Variants in HIPK2 observed in about 807,000 individuals in gnomAD.
The protein encoded by HIPK2 is homeodomain-interacting protein kinase 2.
HIPK2 carries 27 observed loss-of-function variants against 113.7 expected under a neutral mutation model. The observed-to-expected ratio is 0.24, with a 90% CI of 0.17 to 0.33. HIPK2 has a LOEUF of 0.33. HIPK2 is among the 10% of genes least tolerant of loss of function. HIPK2 has a pLI of 1.00. For synonymous variants in HIPK2, 631 were observed against 642.2 expected (o/e 0.98, Z 0.26); for missense variants, 1,257 against 1,588.0 (o/e 0.79, Z 3.54).
At chr7:139,635,990 C>T (rs1800800121) in intron 2 of HIPK2, among the ~76,000 whole-genome samples, 2 of 152,240 alleles carry the variant, frequency 1.3e-5, no homozygotes, top group African/African-American at 2.4e-5. Context: ...AGTCATCTCC[C>T]CCTGTGGTTC....
At chr7:139,584,369 G>A (rs1447165598) in intron 12 of HIPK2, among the ~76,000 whole-genome samples, 3 of 152,210 alleles carry the variant, frequency 2.0e-5, no homozygotes, top group Non-Finnish European at 4.4e-5. Flanking sequence ...GCTCAGCAGA[G>A]CTGCAGGGGA....
intron 2 of HIPK2, among the ~76,000 whole-genome samples, chr7:139,698,241 G>C (rs1794617557): frequency 6.6e-6 from 1 of 152,172 alleles, no homozygotes; most frequent in South Asian, 2.1e-4. Flanking sequence ...CTTTCACTTA[G>C]CATGATGTTT....
chr7:139,639,614 CAGG>C (rs1293171255), intron 2 of HIPK2, among the ~76,000 whole-genome samples: 1 of 152,128 alleles, frequency 6.6e-6, no homozygotes, highest in Non-Finnish European at 1.5e-5. Flanking sequence ...ATGGGCTTCC[CAGG>C]AGGAGTCTGA....
chr7:139,739,662 T>C (rs140657693), intron 1 of HIPK2, among the ~76,000 whole-genome samples: 3 of 152,074 alleles, frequency 2.0e-5, no homozygotes, highest in African/African-American at 7.2e-5. Context: ...TTTCAAAATA[T>C]TATCATCACT....
Position 139,583,913 on chromosome 7 carries a change from C to T in HIPK2, c.2869G>A (p.Glu957Lys). Reference protein sequence around the residue: ...ANAFDTKGSLENHCTGNPRTI... With the variant: ...ANAFDTKGSLKNHCTGNPRTI... ...CGGGGGTTCCCCGTGCAGTGATTCT[C>T]CAGGCTCCCCTTGGTGTCAAAGGCA... Residue 957 changes from glutamate to lysine, a missense_variant, in exon 13 of 15, where the codon GAG becomes AAG. This residue lies in a region of HIPK2 where 862 missense variants were observed against 1,004.3 expected (regional missense o/e 0.86). Coordinates refer to ENST00000406875, the MANE Select transcript of HIPK2 (RefSeq NM_022740.5). 2 of 1,613,996 alleles carry T rather than the reference C, an allele frequency of 1.2e-6. No individual in the cohort carries two copies. The highest frequency in any genetic ancestry group is 1.7e-6 in the Non-Finnish European group (2 of 1,179,882).
chr7:139,605,616 A>T (rs1799593877), intron 9 of HIPK2, among the ~76,000 whole-genome samples: 1 of 152,200 alleles, frequency 6.6e-6, no homozygotes, highest in Admixed American at 6.5e-5. Context: ...AGAGAATCAC[A>T]TTTGAGAGCT....
chr7:139,607,623 G>A (rs894931135), intron 9 of HIPK2, among the ~76,000 whole-genome samples: 1 of 152,072 alleles, frequency 6.6e-6, no homozygotes, highest in Non-Finnish European at 1.5e-5. Context: ...AGATGTGTTA[G>A]AAAGAAAACA....
At chr7:139,717,217 G>A (rs1318725912) in intron 1 of HIPK2, 1 of 246,742 alleles carries the variant, frequency 4.1e-6, no homozygotes, top group East Asian at 1.8e-4. Flanking sequence ...TGGTTCCAGG[G>A]TGCCACTTGC....
chr7:139,741,887 GTGAACT>G (rs1440539902), intron 1 of HIPK2, among the ~76,000 whole-genome samples: 1 of 152,194 alleles, frequency 6.6e-6, no homozygotes, highest in African/African-American at 2.4e-5. Context: ...AGATAAGAAC[GTGAACT>G]TGATCTTTAC....
chr7:139,694,465 G>A (rs1794508522), intron 2 of HIPK2, among the ~76,000 whole-genome samples: 1 of 152,154 alleles, frequency 6.6e-6, no homozygotes, highest in African/African-American at 2.4e-5. Flanking sequence ...CCAAAGGCAC[G>A]GGGCACTGTC....
At chr7:139,639,417 A>G (rs946206370) in intron 2 of HIPK2, among the ~76,000 whole-genome samples, 2 of 152,098 alleles carry the variant, frequency 1.3e-5, no homozygotes, top group Admixed American at 1.3e-4. Context: ...CCATTTACTA[A>G]GTGTTTCCTC....
intron 2 of HIPK2, among the ~76,000 whole-genome samples, chr7:139,646,159 T>A (rs1801212969): frequency 6.6e-6 from 1 of 151,874 alleles, no homozygotes; most frequent in African/African-American, 2.4e-5. Flanking sequence ...ACCTTCAACT[T>A]CCATGGAGAC....
Position 139,716,860 on chromosome 7 carries a change from G to T in HIPK2, c.175C>A (p.Leu59Met). The T allele has an allele frequency of 6.2e-7, 1 of 1,613,932 alleles. No individual in the cohort carries two copies. The highest frequency in any genetic ancestry group is 8.5e-7 in the Non-Finnish European group (1 of 1,179,882). Reference protein sequence around the residue: ...KVYSQSKNIPLSQPATTTVST... With the variant: ...KVYSQSKNIPMSQPATTTVST... ...ACGGTTGTGGTGGCTGGCTGCGACA[G>T]GGGGATGTTCTTGCTCTGGCTATAC... The change falls in exon 2 of 15, where the codon CTG becomes ATG. Residue 59 changes from leucine to methionine, a missense_variant. Coordinates refer to ENST00000406875, the MANE Select transcript of HIPK2 (RefSeq NM_022740.5). The surrounding 1 kb of genome is among the most constrained non-coding windows in gnomAD (Gnocchi z 9.3).
chr7:139,630,758 A>T lies in HIPK2; in HGVS notation c.1347+407T>A, dbSNP rs1019137966. 1.3e-5 allele frequency among the ~76,000 whole-genome samples: 2 copies of T among 152,152 alleles called. No individual in the cohort carries two copies. Among genetic ancestry groups the T allele is most frequent in the African/African-American group, 4.8e-5 (2 of 41,440 alleles). ...TGCCCCTCTGCTGCAGGCAGAATTA[A>T]ATGCTCCTTCCTCTTGGCACCCACA... On this transcript the variant is annotated intron_variant, in intron 4 of 14. Coordinates refer to ENST00000406875, the MANE Select transcript of HIPK2 (RefSeq NM_022740.5). This position sits in a 1 kb window ranked among gnomAD's most constrained non-coding sequence, Gnocchi z 4.0.
intron 1 of HIPK2, among the ~76,000 whole-genome samples, chr7:139,730,190 C>A (rs1218699218): frequency 6.6e-6 from 1 of 152,082 alleles, no homozygotes; most frequent in Admixed American, 6.6e-5. Flanking sequence ...TAAAATGATG[C>A]GTTTTACTAG....
chr7:139,627,067 G>C (rs1034508712), intron 5 of HIPK2, among the ~76,000 whole-genome samples: 3 of 152,142 alleles, frequency 2.0e-5, no homozygotes, highest in Non-Finnish European at 4.4e-5. Context: ...GATGTAAACT[G>C]CTCCTGCTTT....
At chr7:139,640,960 G>GAAA in intron 2 of HIPK2, among the ~76,000 whole-genome samples, 1 of 152,212 alleles carries the variant, frequency 6.6e-6, no homozygotes, top group Non-Finnish European at 1.5e-5. Context: ...GGAACACTCT[G>GAAA]TTGAAATACA....
At chr7:139,724,134 T>C (rs1429293333) in intron 1 of HIPK2, among the ~76,000 whole-genome samples, 1 of 151,942 alleles carries the variant, frequency 6.6e-6, no homozygotes, top group Non-Finnish European at 1.5e-5. Context: ...GTCAAAAATA[T>C]ATGAATGTTG....
At chr7:139,761,342 T>C (rs1219388517) in intron 1 of HIPK2, among the ~76,000 whole-genome samples, 2 of 152,212 alleles carry the variant, frequency 1.3e-5, no homozygotes, top group African/African-American at 2.4e-5. Flanking sequence ...CACAAGTCAC[T>C]TGCTGGTCTC....
Sources: gnomAD v4.1 joint callset for allele counts (sites outside exome capture counted in the v4.1 genomes callset) on GRCh38, gnomAD v4.1.1 for gene constraint, gnomAD v4.1.1 regional missense constraint, Gnocchi (gnomAD v3.1) non-coding constraint, MANE v1.5 for transcripts, NCBI Gene and HGNC (gene_info 2026-07-23, HGNC 2026-07-21) for gene names.